VPS18: variants seen among roughly 807,000 people sequenced by gnomAD.
VPS18 encodes vacuolar protein sorting-associated protein 18 homolog.
Under a neutral mutation model 82.0 loss-of-function variants are expected in VPS18, and 25 were observed. That is an observed-to-expected ratio of 0.30 (90% CI 0.22 to 0.43). VPS18 has a LOEUF of 0.43. Ranked by LOEUF, VPS18 falls within the 20% of genes least tolerant of loss-of-function variation. VPS18 has a pLI of 1.00. For synonymous variants in VPS18, 523 were observed against 543.0 expected (o/e 0.96, Z 0.51); for missense variants, 1,168 against 1,311.1 (o/e 0.89, Z 1.69).
At position 40,899,449 on chromosome 15, in the gene VPS18, G is replaced by A. The variant is rs775935396; in HGVS notation, c.631G>A (p.Glu211Lys). The A allele has an allele frequency of 3.7e-6, 6 of 1,606,580 alleles. No homozygotes were observed. Among genetic ancestry groups the A allele is most frequent in the Non-Finnish European group, 5.1e-6 (6 of 1,175,002 alleles). ...AGCACCTGTGTGCTCCCTTGAGGCC[G>A]AGCGGGGCCCTGATGGGCGTAGCTT... ...GPAPVCSLEA[E>K]RGPDGRSFVI... is the part of the protein sequence containing the mutation. Residue 211 changes from glutamate (E) to lysine (K), a missense_variant, in exon 4 of 5, where the codon GAG (glutamate) becomes AAG (lysine). Glu to Lys is a moderately conservative substitution (Grantham distance 56). Transcript: ENST00000220509. This position sits in a 1 kb window ranked among gnomAD's most constrained non-coding sequence, Gnocchi z 4.4.
At position 40,899,134 on chromosome 15, in the gene VPS18, C is replaced by A; in HGVS notation, c.326-10C>A. 7 of 1,609,350 alleles carry A rather than the reference C, an allele frequency of 4.3e-6. No homozygotes were observed. Among genetic ancestry groups the A allele is most frequent in the Non-Finnish European group, 6.0e-6 (7 of 1,176,410 alleles). Reference sequence around the variant, plus strand: ...GCATCCACTGGGGCGCCATGCTCTCCCCACTCCAGGCTCTCACCTGCTGAT... The same window carrying A: ...GCATCCACTGGGGCGCCATGCTCTCACCACTCCAGGCTCTCACCTGCTGAT... On this transcript the variant is annotated splice_polypyrimidine_tract_variant and intron_variant, in intron 3 of 4. Coordinates refer to ENST00000220509, the MANE Select transcript of VPS18 (RefSeq NM_020857.3). The surrounding 1 kb of genome is among the most constrained non-coding windows in gnomAD (Gnocchi z 4.4).
At chr15:40,895,627 C>G (rs1175877621) in intron 1 of VPS18, among the ~76,000 whole-genome samples, 1 of 152,080 alleles carries the variant, frequency 6.6e-6, no homozygotes, top group Non-Finnish European at 1.5e-5. Context: ...GGGAGAATAC[C>G]CAGACCACCA....
rs1305751827 is a variant in VPS18, at chr15:40,894,531, G to C, written c.-238G>C. 1.0e-5 allele frequency: 4 copies of C among 397,966 alleles called. No homozygotes were observed. Among genetic ancestry groups the C allele is most frequent in the Non-Finnish European group, 1.8e-5 (4 of 223,652 alleles). The allele number at this position is 397,966 out of a possible 1,614,324, so 24.7% of individuals were successfully genotyped here. On this transcript the variant is annotated 5_prime_UTR_variant, in exon 1 of 5. Transcript: ENST00000220509. ...CTGTGATTTTTTTGTAGCGGGGGCG[G>C]GGAGTAAGGTGCAAGACTGCGCCAG...
Position 40,900,886 on chromosome 15 carries a change from C to T in VPS18, c.2068C>T (p.Pro690Ser), listed in dbSNP as rs375380106. ...CTATCTGGAGCAGGCTGGGGCCAGC[C>T]CCCACCGGGTGCATTACGACCTCAA... ...LAYLEQAGAS[P>S]HRVHYDLKYA... Residue 690 changes from proline to serine, a missense_variant, in exon 4 of 5, where the codon CCC (proline) becomes TCC (serine). This residue lies in a region of VPS18 where 868 missense variants were observed against 939.8 expected (regional missense o/e 0.92). Coordinates refer to ENST00000220509, the MANE Select transcript of VPS18 (RefSeq NM_020857.3). The surrounding 1 kb of genome is among the most constrained non-coding windows in gnomAD (Gnocchi z 5.4). 6.2e-7 allele frequency: 1 copy of T among 1,614,084 alleles called. No individual in the cohort carries two copies. Among genetic ancestry groups the T allele is most frequent in the East Asian group, 2.2e-5 (1 of 44,882 alleles).
chr15:40,900,861 C>A lies in VPS18; in HGVS notation c.2043C>A (p.Ala681=), dbSNP rs1013285272. ...YARGRPDSLL[A]YLEQAGASPH... is the part of the protein sequence containing the mutation. The stretch of plus-strand genomic sequence containing the variant: ...GTGGCCGGCCGGACTCACTACTGGC[C>A]TATCTGGAGCAGGCTGGGGCCAGCC... Residue 681 remains alanine, a synonymous_variant, in exon 4 of 5, where the codon GCC becomes GCA. Coordinates refer to ENST00000220509, the MANE Select transcript of VPS18 (RefSeq NM_020857.3). This position sits in a 1 kb window ranked among gnomAD's most constrained non-coding sequence, Gnocchi z 5.4. 5 of 1,614,048 alleles carry A rather than the reference C, an allele frequency of 3.1e-6. No homozygotes were observed. The Admixed American group carries it at 5.0e-5, about 16-fold the overall frequency.
rs1359572661 is a variant in VPS18 at position 40,899,783 on chromosome 15, C to T, written c.965C>T (p.Ala322Val). Residue 322 changes from alanine (A) to valine (V), a missense_variant, in exon 4 of 5, where the codon GCC becomes GTC. Transcript: ENST00000220509. This position sits in a 1 kb window ranked among gnomAD's most constrained non-coding sequence, Gnocchi z 4.4. ...TACCCAGAGGGGGTAGGGCCTGGGG[C>T]CAGCCCACCCCTAGCCATCGTCTTG... The part of the protein sequence containing the change: ...WEYPEGVGPG[A>V]SPPLAIVLTQ... 1 of 1,612,322 alleles carries T rather than the reference C, an allele frequency of 6.2e-7. No homozygotes were observed. The highest frequency in any genetic ancestry group is 8.5e-7 in the Non-Finnish European group (1 of 1,180,004).
Position 40,902,532 on chromosome 15 carries a change from C to T in VPS18, c.2197-84C>T. The T allele has an allele frequency of 6.6e-7, 1 of 1,504,252 alleles. No individual in the cohort carries two copies. The highest frequency in any genetic ancestry group is 8.9e-7 in the Non-Finnish European group (1 of 1,127,542). The allele number at this position is 1,504,252 out of a possible 1,614,324, so 93.2% of individuals were successfully genotyped here. On this transcript the variant is annotated intron_variant, in intron 4 of 4. Transcript: ENST00000220509. The surrounding 1 kb of genome is among the most constrained non-coding windows in gnomAD (Gnocchi z 4.2). ...GAGTGCTGGGAATCCTGCCTCGGGGCCTCTCCTCGGCCATCTCTCTCTCCC... is the reference window on the plus strand; with the variant it reads ...GAGTGCTGGGAATCCTGCCTCGGGGTCTCTCCTCGGCCATCTCTCTCTCCC...
rs915838208 is a variant in VPS18 at position 40,899,273 on chromosome 15, G to T, written c.455G>T (p.Gly152Val). 2 of 1,614,124 alleles carry T rather than the reference G, an allele frequency of 1.2e-6. No individual in the cohort carries two copies. The highest frequency in any genetic ancestry group is 8.5e-7 in the Non-Finnish European group (1 of 1,180,050). The change falls in exon 4 of 5, where the codon GGC becomes GTC. Residue 152 changes from glycine to valine, a missense_variant. By Grantham distance (109) the Gly-to-Val change is moderately radical (BLOSUM62 -3). Around this residue, in one of 3 missense-constraint regions of VPS18, gnomAD observed 868 missense variants for 939.8 expected, o/e 0.92. Coordinates refer to ENST00000220509, the MANE Select transcript of VPS18 (RefSeq NM_020857.3). The surrounding 1 kb of genome is among the most constrained non-coding windows in gnomAD (Gnocchi z 4.4). ...VESVGWNKAL[G>V]TESSTGPILV... ...AGTGTGGGTTGGAACAAGGCACTGG[G>T]CACGGAGAGCAGCACAGGCCCCATC...
chr15:40,895,872 T>C (rs1012569025), intron 1 of VPS18, 66 bp from the exon 2 acceptor site: 12 of 1,601,104 alleles, frequency 7.5e-6, no homozygotes, highest in Non-Finnish European at 9.4e-6. Context: ...TGGTGTTTTT[T>C]CTGCCTCTCC....
At position 40,903,109 on chromosome 15, in the gene VPS18, A is replaced by ATT. The variant is rs1566871682; in HGVS notation, c.2690_2691insTT (p.Glu897AspfsTer55). ...GCCTACAAGCAGGCCCGGCTGGAGG[A>ATT]GCTGCAGAGGAAGCTGGGGGCTGCT... On this transcript the variant is annotated frameshift_variant, in exon 5 of 5. Transcript: ENST00000220509. LOFTEE classifies it high-confidence loss of function. The ATT allele has an allele frequency of 6.2e-7, 1 of 1,613,158 alleles. No individual in the cohort carries two copies. Among genetic ancestry groups the ATT allele is most frequent in the Admixed American group, 1.7e-5 (1 of 59,874 alleles).
Position 40,900,604 on chromosome 15 carries a change from T to A in VPS18, c.1786T>A (p.Tyr596Asn). ...CCGCCACCGTGACCCCCAGCTCTTCTACAAGTTCTCACCCATCCTCATCCG... is the reference window on the plus strand; with the variant it reads ...CCGCCACCGTGACCCCCAGCTCTTCAACAAGTTCTCACCCATCCTCATCCG... ...LARHRDPQLF[Y>N]KFSPILIRHI... The change falls in exon 4 of 5, where the codon TAC becomes AAC. Residue 596 changes from tyrosine (Y) to asparagine (N), a missense_variant. Physicochemically the swap from Tyr to Asn is moderately radical, Grantham distance 143. This residue lies in a region of VPS18 where 868 missense variants were observed against 939.8 expected (regional missense o/e 0.92). Transcript: ENST00000220509. This position sits in a 1 kb window ranked among gnomAD's most constrained non-coding sequence, Gnocchi z 5.4. 6.2e-7 allele frequency: 1 copy of A among 1,614,014 alleles called. No individual in the cohort carries two copies. Among genetic ancestry groups the A allele is most frequent in the Non-Finnish European group, 8.5e-7 (1 of 1,180,020 alleles).
chr15:40,897,217 C>T (rs1272857859), intron 2 of VPS18, among the ~76,000 whole-genome samples: 1 of 151,940 alleles, frequency 6.6e-6, no homozygotes, highest in Middle Eastern at 3.4e-3. Context: ...ATGGCTTGAA[C>T]CCGGGAGGCA....
chr15:40,900,679 C>T lies in VPS18; in HGVS notation c.1861C>T (p.Leu621=). The T allele has an allele frequency of 6.2e-7, 1 of 1,614,194 alleles. No individual in the cohort carries two copies. Among genetic ancestry groups the T allele is most frequent in the Non-Finnish European group, 8.5e-7 (1 of 1,180,046 alleles). Residue 621 remains leucine (L), a synonymous_variant, in exon 4 of 5, where the codon CTG becomes TTG. Coordinates refer to ENST00000220509, the MANE Select transcript of VPS18 (RefSeq NM_020857.3). The surrounding 1 kb of genome is among the most constrained non-coding windows in gnomAD (Gnocchi z 5.4). ...VDAWIEMGSR[L]DARQLIPALV... Reference sequence around the variant, plus strand: ...TGCCTGGATTGAGATGGGCAGCCGGCTGGATGCTCGTCAGCTCATTCCTGC... The same window carrying T: ...TGCCTGGATTGAGATGGGCAGCCGGTTGGATGCTCGTCAGCTCATTCCTGC...
rs200837524 is a variant in VPS18 at position 40,900,320 on chromosome 15, G to A, written c.1502G>A (p.Ser501Asn). The change falls in exon 4 of 5, where the codon AGC becomes AAC. Residue 501 changes from serine to asparagine, a missense_variant. Physicochemically the swap from Ser to Asn is conservative, Grantham distance 46 (BLOSUM62 1). Around this residue, in one of 3 missense-constraint regions of VPS18, gnomAD observed 868 missense variants for 939.8 expected, o/e 0.92. Coordinates refer to ENST00000220509, the MANE Select transcript of VPS18 (RefSeq NM_020857.3). The surrounding 1 kb of genome is among the most constrained non-coding windows in gnomAD (Gnocchi z 5.4). Reference protein sequence around the residue: ...LTTWLTELYLSRLGALQGDPE... With the variant: ...LTTWLTELYLNRLGALQGDPE... ...ACCTGGCTGACAGAGCTCTACCTGA[G>A]CCGGCTTGGGGCTCTGCAGGGCGAC... is the stretch of plus-strand genomic sequence containing the variant. 19 of 1,613,714 alleles carry A rather than the reference G, an allele frequency of 1.2e-5. No homozygotes were observed. The African/African-American group carries it at 2.4e-4, about 20-fold the overall frequency.
rs1892373630 is a variant in VPS18 at position 40,902,357 on chromosome 15, C to T, written c.2197-259C>T. Among the ~76,000 whole-genome samples the T allele has an allele frequency of 6.6e-6, 1 of 152,186 alleles. No homozygotes were observed. Among genetic ancestry groups the T allele is most frequent in the Non-Finnish European group, 1.5e-5 (1 of 68,028 alleles). On this transcript the variant is annotated intron_variant, in intron 4 of 4. Coordinates refer to ENST00000220509, the MANE Select transcript of VPS18 (RefSeq NM_020857.3). This position sits in a 1 kb window ranked among gnomAD's most constrained non-coding sequence, Gnocchi z 4.2. The stretch of plus-strand genomic sequence containing the variant: ...CTCGATCTCCTGACCTCGTGATCTG[C>T]CTGCCTTGGCCTCCCAAAATGCTGG...
In VPS18 at chr15:40,902,946, C is replaced by T. The variant is rs765703231; in HGVS notation, c.2527C>T (p.Arg843Cys). ...IRRDLQELRG[R>C]YGTVEPQDKC... ...GCGAGACCTGCAGGAGCTGCGGGGC[C>T]GCTACGGCACTGTGGAGCCCCAGGA... is the stretch of plus-strand genomic sequence containing the variant. The change falls in exon 5 of 5, where the codon CGC becomes TGC. Residue 843 changes from arginine (R) to cysteine (C), a missense_variant. By Grantham distance (180) the Arg-to-Cys change is radical. Coordinates refer to ENST00000220509, the MANE Select transcript of VPS18 (RefSeq NM_020857.3). This position sits in a 1 kb window ranked among gnomAD's most constrained non-coding sequence, Gnocchi z 4.2. The T allele has an allele frequency of 1.8e-5, 29 of 1,614,140 alleles. No individual in the cohort carries two copies. The highest frequency in any genetic ancestry group is 2.5e-5 in the Non-Finnish European group (29 of 1,180,058).
intron 1 of VPS18, among the ~76,000 whole-genome samples, chr15:40,895,473 C>A (rs1892213338): frequency 6.6e-6 from 1 of 152,138 alleles, no homozygotes; most frequent in Non-Finnish European, 1.5e-5. Flanking sequence ...TCACTCTAGT[C>A]TTTACCTTCA....
intron 2 of VPS18, among the ~76,000 whole-genome samples, chr15:40,898,200 C>T (rs967919247): frequency 3.3e-5 from 5 of 150,886 alleles, no homozygotes; most frequent in East Asian, 1.9e-4. Flanking sequence ...GTGATCTGCC[C>T]GCCTTGGCCT....
At position 40,899,533 on chromosome 15, in the gene VPS18, G is replaced by A. The variant is rs751337114; in HGVS notation, c.715G>A (p.Ala239Thr). The A allele has an allele frequency of 1.2e-6, 2 of 1,609,770 alleles. No individual in the cohort carries two copies. Among genetic ancestry groups the A allele is most frequent in the Middle Eastern group, 1.6e-4 (1 of 6,062 alleles). The change falls in exon 4 of 5, where the codon GCT (alanine) becomes ACT (threonine). Residue 239 changes from alanine to threonine, a missense_variant. By Grantham distance (58) the Ala-to-Thr change is moderately conservative. Transcript: ENST00000220509. The surrounding 1 kb of genome is among the most constrained non-coding windows in gnomAD (Gnocchi z 4.4). ...GTTCATAGGCCGAGCAGCAGAGGGGGCTGAGGCCCAGGGTTTCTCAGGGCT... is the reference window on the plus strand; with the variant it reads ...GTTCATAGGCCGAGCAGCAGAGGGGACTGAGGCCCAGGGTTTCTCAGGGCT... ...FQFIGRAAEG[A>T]EAQGFSGLFA...
Sources: gnomAD v4.1 joint callset for allele counts (sites outside exome capture counted in the v4.1 genomes callset) on GRCh38, gnomAD v4.1.1 for gene constraint, gnomAD v4.1.1 regional missense constraint, Gnocchi (gnomAD v3.1) non-coding constraint, MANE v1.5 for transcripts, NCBI Gene and HGNC (gene_info 2026-07-23, HGNC 2026-07-21) for gene names.